SH3BGR: variants seen among roughly 807,000 people sequenced by gnomAD.
The protein encoded by SH3BGR is SH3 domain binding glutamate rich protein.
Under a neutral mutation model 24.5 loss-of-function variants are expected in SH3BGR, and 29 were observed. The observed-to-expected ratio is 1.18, with a 90% CI of 0.88 to 1.61. The LOEUF (loss-of-function observed/expected upper bound fraction) is 1.61. SH3BGR is among the 40% of genes most tolerant of loss of function. The pLI, the probability that SH3BGR is intolerant of heterozygous loss-of-function variation, is 0.00. For missense variants in SH3BGR, 162 were observed against 205.8 expected (o/e 0.79, Z 1.30); for synonymous variants, 55 against 65.7 (o/e 0.84, Z 0.79).
intron 2 of SH3BGR, among the ~76,000 whole-genome samples, chr21:39,474,680 C>T (rs2077997970): frequency 6.6e-6 from 1 of 152,098 alleles, no homozygotes; most frequent in Non-Finnish European, 1.5e-5. Context: ...GGTCTTGTGC[C>T]TGTTCGTATT....
chr21:39,456,713 C>G (rs1052387930), intron 1 of SH3BGR, among the ~76,000 whole-genome samples: 1 of 152,170 alleles, frequency 6.6e-6, no homozygotes, highest in Admixed American at 6.5e-5. Context: ...AGGCCTGATC[C>G]TGGGGAATTA....
rs754050130 is a variant in SH3BGR, at chr21:39,462,560, GGTGA to G, written c.231+3_231+6del. ...TCTTCAATGAGGAGCAGTACTGTGG[GGTGA>G]GTATGTGCTTCTATTAAAAATCCTG... On this transcript the variant is annotated splice_donor_variant and splice_donor_region_variant and intron_variant, in intron 2 of 6. Transcript: ENST00000333634. LOFTEE classifies it high-confidence loss of function. 39 of 1,547,018 alleles carry G rather than the reference GGTGA, an allele frequency of 2.5e-5. No homozygotes were observed. In the East Asian group the frequency reaches 2.6e-4, roughly 10 times the overall value.
chr21:39,458,010 A>T (rs895368390), intron 1 of SH3BGR, among the ~76,000 whole-genome samples: 1 of 152,198 alleles, frequency 6.6e-6, no homozygotes, highest in Non-Finnish European at 1.5e-5. Context: ...TGAGTCATTA[A>T]ATTTGTCAAA....
chr21:39,476,981 TTCA>T (rs538335910), intron 3 of SH3BGR, among the ~76,000 whole-genome samples: 41 of 152,320 alleles, frequency 2.7e-4, no homozygotes, highest in Admixed American at 5.2e-4. Context: ...TTTCTGTCTG[TTCA>T]TCACAAATTC....
intron 4 of SH3BGR, among the ~76,000 whole-genome samples, chr21:39,502,060 C>A (rs920321997): frequency 1.3e-5 from 2 of 152,220 alleles, no homozygotes; most frequent in African/African-American, 2.4e-5. Context: ...GTAATCCCAG[C>A]TATTTGGGAA....
chr21:39,502,705 G>C (rs1239605607), intron 4 of SH3BGR, among the ~76,000 whole-genome samples: 2 of 152,192 alleles, frequency 1.3e-5, no homozygotes, highest in Non-Finnish European at 2.9e-5. Context: ...GTGGTGACTG[G>C]GCAGGGATTG....
At chr21:39,487,716 T>C (rs1011764925) in intron 3 of SH3BGR, among the ~76,000 whole-genome samples, 1 of 152,352 alleles carries the variant, frequency 6.6e-6, no homozygotes, top group East Asian at 1.9e-4. Flanking sequence ...ATCTGGATCA[T>C]GTAACTTTTG....
intron 3 of SH3BGR, among the ~76,000 whole-genome samples, chr21:39,485,044 C>T (rs181888337): frequency 6.6e-6 from 1 of 152,292 alleles, no homozygotes; most frequent in East Asian, 1.9e-4. Flanking sequence ...TTTTTCTTGT[C>T]TTAGACAGGC....
At chr21:39,509,048 C>T (rs912296143) in intron 5 of SH3BGR, 21 bp downstream of exon 5, 1 of 1,599,386 alleles carries the variant, frequency 6.3e-7, no homozygotes, top group Admixed American at 1.7e-5. Flanking sequence ...CCATCTTTAA[C>T]AGCTGTGCTT....
intron 3 of SH3BGR, among the ~76,000 whole-genome samples, chr21:39,494,231 C>CTCTTCT (rs535727987): frequency 2.8e-4 from 40 of 145,452 alleles, no homozygotes; most frequent in African/African-American, 4.3e-4. Context: ...AGTCTTCTTC[C>CTCTTCT]TCTTCTTCTT....
chr21:39,462,649 A>T (rs995621131), intron 2 of SH3BGR, 89 bp downstream of exon 2: 5 of 877,050 alleles, frequency 5.7e-6, no homozygotes, highest in Non-Finnish European at 8.3e-6. Context: ...AGCATTTGAA[A>T]TTATTCACAA....
chr21:39,461,109 A>G (rs1461814615), intron 1 of SH3BGR, among the ~76,000 whole-genome samples: 5 of 151,878 alleles, frequency 3.3e-5, no homozygotes, highest in Non-Finnish European at 7.4e-5. Context: ...TGAAAAGACA[A>G]CATTACAACT....
chr21:39,491,459 C>G (rs1475411382), intron 3 of SH3BGR: 2 of 178,920 alleles, frequency 1.1e-5, no homozygotes, highest in Non-Finnish European at 2.3e-5. Flanking sequence ...AGCCCCATTT[C>G]AATTTTTATT....
intron 2 of SH3BGR, among the ~76,000 whole-genome samples, chr21:39,470,019 A>G (rs191654084): frequency 1.3e-5 from 2 of 152,058 alleles, no homozygotes. Flanking sequence ...TTTTTGACCC[A>G]TGTATTGAAA....
At chr21:39,513,966 C>T (rs556952362) in intron 6 of SH3BGR, among the ~76,000 whole-genome samples, 16 of 151,990 alleles carry the variant, frequency 1.1e-4, no homozygotes, top group Non-Finnish European at 2.1e-4. Context: ...TCTTTATAGG[C>T]CATTTCCAAA....
chr21:39,505,286 G>T (rs115640067), intron 4 of SH3BGR, among the ~76,000 whole-genome samples: 3,456 of 152,250 alleles, frequency 0.023, 142 homozygotes, highest in African/African-American at 0.079. Flanking sequence ...CAGAGTCACT[G>T]CCCCCACAGA....
At chr21:39,499,960 G>C (rs1411278930) in intron 4 of SH3BGR, 45 bp downstream of exon 4, 3 of 1,375,162 alleles carry the variant, frequency 2.2e-6, no homozygotes, top group Non-Finnish European at 3.1e-6. Context: ...ATTCTCTGCT[G>C]TTCGAGACTT....
intron 4 of SH3BGR, among the ~76,000 whole-genome samples, chr21:39,507,821 A>G (rs192790828): frequency 3.3e-5 from 5 of 151,930 alleles, no homozygotes; most frequent in African/African-American, 9.7e-5. Flanking sequence ...GCGTCTTGCT[A>G]TGTTGCCCAG....
intron 2 of SH3BGR, among the ~76,000 whole-genome samples, chr21:39,465,987 C>A (rs1433913662): frequency 6.6e-6 from 1 of 152,188 alleles, no homozygotes; most frequent in African/African-American, 2.4e-5. Context: ...TTCAGCCTCT[C>A]CCCCTTACAA....
Sources: allele counts gnomAD v4.1 joint callset (sites outside exome capture counted in the v4.1 genomes callset), GRCh38; gene constraint gnomAD v4.1.1; transcripts MANE v1.5; gene names NCBI Gene and HGNC (gene_info 2026-07-23, HGNC 2026-07-21).